Variants in TNFSF11 observed in about 807,000 individuals in gnomAD.
TNFSF11 encodes TNF superfamily member 11, also known as tumor necrosis factor ligand superfamily member 11.
TNFSF11 carries 12 observed loss-of-function variants against 32.2 expected under a neutral mutation model. The ratio of observed to expected loss-of-function variants is 0.37; its 90% confidence interval spans 0.24 to 0.60. The LOEUF (loss-of-function observed/expected upper bound fraction) is 0.60. Among genes scored for constraint, TNFSF11 ranks in the 20% least tolerant of loss-of-function variants. TNFSF11 has a pLI of 0.66. For synonymous variants in TNFSF11, 172 were observed against 152.1 expected (o/e 1.13, Z -0.96); for missense variants, 345 against 398.0 (o/e 0.87, Z 1.13).
intron 2 of TNFSF11, among the ~76,000 whole-genome samples, chr13:42,591,153 GGTA>G (rs1868449271): frequency 1.3e-5 from 2 of 152,200 alleles, no homozygotes. Flanking sequence ...TGAGTGCAGT[GGTA>G]GTGGTGGTGC....
At chr13:42,591,549 A>T (rs1868477583) in intron 2 of TNFSF11, among the ~76,000 whole-genome samples, 1 of 152,198 alleles carries the variant, frequency 6.6e-6, no homozygotes, top group South Asian at 2.1e-4. Context: ...CAGGCAACAG[A>T]GAACTCAATG....
intron 4 of TNFSF11, among the ~76,000 whole-genome samples, chr13:42,601,296 T>C (rs750568268): frequency 7.9e-5 from 12 of 152,228 alleles, no homozygotes; most frequent in Admixed American, 2.0e-4. Context: ...TTTCCCAAGC[T>C]AAAGTTGACA....
chr13:42,583,200 C>T (rs1217559091), intron 2 of TNFSF11, among the ~76,000 whole-genome samples: 1 of 151,526 alleles, frequency 6.6e-6, no homozygotes, highest in African/African-American at 2.4e-5. Context: ...CACGTGAGTC[C>T]AGGAGTTTGA....
intron 2 of TNFSF11, among the ~76,000 whole-genome samples, chr13:42,568,167 T>C (rs1464707859): frequency 2.0e-5 from 3 of 152,246 alleles, no homozygotes; most frequent in Admixed American, 1.3e-4. Flanking sequence ...GGGACGCACG[T>C]AACATGCATG....
intron 1 of TNFSF11, among the ~76,000 whole-genome samples, chr13:42,565,495 C>G (rs1189111680): frequency 2.0e-5 from 3 of 152,006 alleles, no homozygotes; most frequent in Non-Finnish European, 2.9e-5. Flanking sequence ...CTTATGCCTA[C>G]CATAGTACCA....
rs149272406 is a variant in TNFSF11 at position 42,600,544 on chromosome 13, T to C, written c.388-208T>C. ...AAAGTATTTTGTTTGAAGTTGGGTA[T>C]GATCTCAAACACATCAACACCAATT... On this transcript the variant is annotated intron_variant, in intron 2 of 4. Coordinates refer to ENST00000398795, the MANE Select transcript of TNFSF11 (RefSeq NM_003701.4). 1.9e-3 allele frequency among the ~76,000 whole-genome samples: 286 copies of C among 152,312 alleles called. 1 individual carries two copies. The highest frequency in any genetic ancestry group is 6.3e-3 in the African/African-American group (263 of 41,564).
At chr13:42,587,490 G>C (rs1873954035) in intron 2 of TNFSF11, among the ~76,000 whole-genome samples, 1 of 152,158 alleles carries the variant, frequency 6.6e-6, no homozygotes, top group South Asian at 2.1e-4. Flanking sequence ...GAACACATAA[G>C]TCTATTAAAA....
intron 2 of TNFSF11, among the ~76,000 whole-genome samples, chr13:42,595,092 G>T (rs1868728860): frequency 6.6e-6 from 1 of 152,158 alleles, no homozygotes; most frequent in South Asian, 2.1e-4. Context: ...CATCTCTATT[G>T]TTTTTAGACG....
chr13:42,593,269 T>C (rs1378616174), intron 2 of TNFSF11, among the ~76,000 whole-genome samples: 3 of 152,202 alleles, frequency 2.0e-5, no homozygotes, highest in Admixed American at 2.0e-4. Flanking sequence ...ATATTTCTTA[T>C]TATATTACAA....
At chr13:42,563,272 C>T (rs1391484046) in intron 1 of TNFSF11, among the ~76,000 whole-genome samples, 1 of 152,180 alleles carries the variant, frequency 6.6e-6, no homozygotes, top group Non-Finnish European at 1.5e-5. Flanking sequence ...TGAATCAAAG[C>T]TTTTGTTATT....
At chr13:42,571,331 C>T (rs143316889), upstream of TNFSF11, among the ~76,000 whole-genome samples, 89 of 152,190 alleles carry the variant, frequency 5.8e-4, no homozygotes, top group African/African-American at 2.0e-3. Flanking sequence ...CTTGAGCCAG[C>T]TTGTGAAGGA....
At chr13:42,599,339 A>ATCTT (rs1397190503) in intron 2 of TNFSF11, among the ~76,000 whole-genome samples, 1 of 68,476 alleles carries the variant, frequency 1.5e-5, no homozygotes, top group Non-Finnish European at 3.6e-5. Flanking sequence ...CTATCTATCT[A>ATCTT]TCTATCTATC....
At position 42,606,587 on chromosome 13, in the gene TNFSF11, T is replaced by C; in HGVS notation, c.623T>C (p.Val208Ala). 6.2e-7 allele frequency: 1 copy of C among 1,614,178 alleles called. No homozygotes were observed. The highest frequency in any genetic ancestry group is 8.5e-7 in the Non-Finnish European group (1 of 1,180,030). The stretch of plus-strand genomic sequence containing the variant: ...ACTTTTAGCAATGGAAAACTAATAG[T>C]TAATCAGGATGGCTTTTATTACCTG... ...NMTFSNGKLI[V>A]NQDGFYYLYA... Residue 208 changes from valine (V) to alanine (A), a missense_variant, in exon 5 of 5, where the codon GTT becomes GCT. This residue lies in a region of TNFSF11 where 148 missense variants were observed against 216.0 expected (regional missense o/e 0.69). Coordinates refer to ENST00000398795, the MANE Select transcript of TNFSF11 (RefSeq NM_003701.4).
intron 2 of TNFSF11, among the ~76,000 whole-genome samples, chr13:42,591,626 G>T (rs1033130178): frequency 1.3e-5 from 2 of 152,108 alleles, no homozygotes; most frequent in African/African-American, 4.8e-5. Flanking sequence ...AGGAACCAGG[G>T]GTCACCAGCT....
intron 2 of TNFSF11, among the ~76,000 whole-genome samples, chr13:42,581,703 C>T (rs1042580550): frequency 6.6e-6 from 1 of 152,148 alleles, no homozygotes; most frequent in African/African-American, 2.4e-5. Flanking sequence ...GGCAGGGCCC[C>T]TTATTCCACA....
rs199774248 is a variant in TNFSF11 at position 42,606,792 on chromosome 13, C to T, written c.828C>T (p.Asn276=). 4.5e-5 allele frequency: 73 copies of T among 1,613,456 alleles called. No individual in the cohort carries two copies. Among genetic ancestry groups the T allele is most frequent in the Non-Finnish European group, 5.3e-5 (62 of 1,179,692 alleles). ...GNSEFHFYSI[N]VGGFFKLRSG... ...CTGAATTCCATTTTTATTCCATAAACGTTGGTGGATTTTTTAAGTTACGGT... is the reference window on the plus strand; with the variant it reads ...CTGAATTCCATTTTTATTCCATAAATGTTGGTGGATTTTTTAAGTTACGGT... The change falls in exon 5 of 5, where the codon AAC becomes AAT. Residue 276 remains asparagine, a synonymous_variant. Coordinates refer to ENST00000398795, the MANE Select transcript of TNFSF11 (RefSeq NM_003701.4).
chr13:42,575,220 GGTGA>G (rs776043038), intron 1 of TNFSF11, among the ~76,000 whole-genome samples: 6 of 152,230 alleles, frequency 3.9e-5, no homozygotes, highest in Non-Finnish European at 7.3e-5. Flanking sequence ...AAGGAAGCGA[GGTGA>G]GTGTGATGGC....
intron 2 of TNFSF11, among the ~76,000 whole-genome samples, chr13:42,584,969 G>A (rs187411171): frequency 6.6e-6 from 1 of 152,220 alleles, no homozygotes; most frequent in South Asian, 2.1e-4. Context: ...CTTTAGGAAA[G>A]AGACAAGTCT....
chr13:42,572,049 C>T (rs1303286795), upstream of TNFSF11, among the ~76,000 whole-genome samples: 1 of 152,142 alleles, frequency 6.6e-6, no homozygotes, highest in Non-Finnish European at 1.5e-5. Context: ...TAAGTAAATA[C>T]ATAGGCAAGA....
Sources: allele counts gnomAD v4.1 joint callset (sites outside exome capture counted in the v4.1 genomes callset), GRCh38; gene constraint gnomAD v4.1.1; regional missense constraint gnomAD v4.1.1; transcripts MANE v1.5; gene names NCBI Gene and HGNC (gene_info 2026-07-23, HGNC 2026-07-21).